NOMO2: variants seen among roughly 807,000 people sequenced by gnomAD.
NOMO2 encodes BOS complex subunit NOMO2.
In NOMO2, 14 loss-of-function variants were observed where a neutral mutation model predicts 67.1. That is an observed-to-expected ratio of 0.21 (90% confidence interval 0.14 to 0.33). The LOEUF is 0.33. Among genes scored for constraint, NOMO2 ranks in the 10% least tolerant of loss-of-function variants. The pLI is 1.00. For synonymous variants in NOMO2, 80 were observed against 305.9 expected (o/e 0.26, Z 7.71); for missense variants, 178 against 761.0 (o/e 0.23, Z 9.01).
At chr16:18,561,173 TAAAAAAAAAAAAA>T (rs756246897) in intron 1 of NOMO2, among the ~76,000 whole-genome samples, 524 of 32,412 alleles carry the variant, frequency 0.016, 5 homozygotes, top group African/African-American at 0.059. Context: ...ACAACTTAAT[TAAAAAAAAAAAAA>T]AAAAAAAAAA....
rs1405745216 is a variant in NOMO2, at chr16:18,530,825, G to C, written c.1669+212C>G. On this transcript the variant is annotated intron_variant, in intron 14 of 30. Coordinates refer to ENST00000622306, the MANE Select transcript of NOMO2 (RefSeq NM_173614.4). ...CACCCTCCCTTAACAGAAGCCGCCA[G>C]TGGGCTGTGCAGACAAGGTGGCGGT... is the stretch of plus-strand genomic sequence containing the variant. Among the ~76,000 whole-genome samples, 11 of 91,038 alleles carry C rather than the reference G, an allele frequency of 1.2e-4. No individual in the cohort carries two copies. The South Asian group carries it at 4.4e-3, about 36-fold the overall frequency. 59.7% of individuals were successfully genotyped at this position (91,038 alleles called of 152,430 possible).
intron 1 of NOMO2, 92 bp from the exon 2 acceptor site, chr16:18,557,883 T>G: frequency 1.3e-6 from 2 of 1,593,636 alleles, no homozygotes; most frequent in South Asian, 2.3e-5. Context: ...TCAGTATACA[T>G]TCACTGAGGA....
At position 18,557,772 on chromosome 16, in the gene NOMO2, T is replaced by C. The variant is rs766922780; in HGVS notation, c.185A>G (p.His62Arg). The C allele has an allele frequency of 1.2e-6, 2 of 1,608,184 alleles. No homozygotes were observed. The highest frequency in any genetic ancestry group is 1.7e-5 in the Admixed American group (1 of 59,874). ...GTCTGTCTGGTATTTCAAAGTCCCA[T>C]GCTTGGTGTACAGCTTTATCTGGAA... ...SLIEIKLYTK[H>R]GTLKYQTDCA... Residue 62 changes from histidine (H) to arginine (R), a missense_variant, in exon 2 of 31, where the codon CAT becomes CGT. Physicochemically the swap from His to Arg is conservative, Grantham distance 29. Transcript: ENST00000622306.
At chr16:18,540,491 T>G (rs1445895518) in intron 9 of NOMO2, among the ~76,000 whole-genome samples, 1 of 150,232 alleles carries the variant, frequency 6.7e-6, no homozygotes, top group African/African-American at 2.4e-5. Context: ...GGCTGTAATC[T>G]GGGAATAGCT....
chr16:18,531,828 T>C (rs956640612), intron 12 of NOMO2, among the ~76,000 whole-genome samples: 3 of 152,074 alleles, frequency 2.0e-5, no homozygotes, highest in African/African-American at 7.2e-5. Context: ...CAGACCGATG[T>C]GTATGAACAA....
chr16:18,552,874 A>G (rs1901820526), intron 3 of NOMO2, among the ~76,000 whole-genome samples: 1 of 152,096 alleles, frequency 6.6e-6, no homozygotes, highest in South Asian at 2.1e-4. Flanking sequence ...CAAAATATAC[A>G]TACAAGAATG....
At chr16:18,558,924 C>A (rs1390824560) in intron 1 of NOMO2, 1 of 451,448 alleles carries the variant, frequency 2.2e-6, no homozygotes, top group Non-Finnish European at 4.5e-6. Context: ...GTAATCCCAG[C>A]ACTTTGGGAG....
At chr16:18,543,548 A>G in intron 7 of NOMO2, 69 bp downstream of exon 7, 6 of 1,608,524 alleles carry the variant, frequency 3.7e-6, no homozygotes, top group Non-Finnish European at 5.1e-6. Flanking sequence ...TTAAAACAGT[A>G]TGTTCTGGTC....
At chr16:18,526,882 T>TTTAG (rs1901158101) in intron 16 of NOMO2, among the ~76,000 whole-genome samples, 1 of 151,994 alleles carries the variant, frequency 6.6e-6, no homozygotes, top group Non-Finnish European at 1.5e-5. Flanking sequence ...ATAGGTGAGT[T>TTTAG]TTACGATATG....
At chr16:18,548,673 A>C (rs1429360803) in intron 5 of NOMO2, among the ~76,000 whole-genome samples, 8 of 152,150 alleles carry the variant, frequency 5.3e-5, no homozygotes, top group African/African-American at 1.7e-4. Context: ...TCTAATCATA[A>C]CTGAGCTAAC....
intron 11 of NOMO2, among the ~76,000 whole-genome samples, chr16:18,536,137 A>T (rs1457395560): frequency 6.6e-6 from 1 of 152,080 alleles, no homozygotes; most frequent in Non-Finnish European, 1.5e-5. Context: ...TGCATTAGGG[A>T]GCAAAGCCCA....
rs756246897 is a variant in NOMO2 at position 18,561,173 on chromosome 16, T to TAAAAAAAAAAAAAA, written c.165+689_165+702dup. 4.9e-4 allele frequency among the ~76,000 whole-genome samples: 16 copies of TAAAAAAAAAAAAAA among 32,440 alleles called. 2 individuals are homozygous for TAAAAAAAAAAAAAA. Among genetic ancestry groups the TAAAAAAAAAAAAAA allele is most frequent in the Admixed American group, 1.1e-3 (2 of 1,866 alleles). 21.3% of individuals were successfully genotyped at this position (32,440 alleles called of 152,430 possible). On this transcript the variant is annotated intron_variant, in intron 1 of 30. Coordinates refer to ENST00000622306, the MANE Select transcript of NOMO2 (RefSeq NM_173614.4). ...ATTTAACAGGACTTTACAACTTAATTAAAAAAAAAAAAAAAAAAAAAAAAA... is the reference window on the plus strand; with the variant it reads ...ATTTAACAGGACTTTACAACTTAATTAAAAAAAAAAAAAAAAAAAAAAAAAAAAAAAAAAAAAAA...
At chr16:18,529,314 A>C (rs1901236821) in intron 15 of NOMO2, 187 bp downstream of exon 15, 1 of 680,936 alleles carries the variant, frequency 1.5e-6, no homozygotes, top group Non-Finnish European at 2.6e-6. Flanking sequence ...TCCTAAATAC[A>C]GGGGTCCTTC....
intron 1 of NOMO2, among the ~76,000 whole-genome samples, chr16:18,559,205 T>G (rs564093909): frequency 6.6e-6 from 1 of 152,100 alleles, no homozygotes; most frequent in Non-Finnish European, 1.5e-5. Context: ...AAAAGCAGTT[T>G]GTATTACTGT....
At position 18,543,687 on chromosome 16, in the gene NOMO2, G is replaced by C. The variant is rs1316932258; in HGVS notation, c.665C>G (p.Ser222Cys). The C allele has an allele frequency of 3.1e-6, 5 of 1,611,148 alleles. No individual in the cohort carries two copies. Among genetic ancestry groups the C allele is most frequent in the Non-Finnish European group, 4.2e-6 (5 of 1,179,526 alleles). Residue 222 changes from serine (S) to cysteine (C), a missense_variant, in exon 7 of 31, where the codon TCT becomes TGT. Ser to Cys is a moderately radical substitution (Grantham distance 112). Coordinates refer to ENST00000622306, the MANE Select transcript of NOMO2 (RefSeq NM_173614.4). ...LIVAGYNVSGSVRSDGEPMKG... is the reference protein window; with the variant it reads ...LIVAGYNVSGCVRSDGEPMKG... ...CATGGGCTCCCCATCACTTCGGACAGAGCCAGACACATTGTAGCCAGCAAC... is the reference window on the plus strand; with the variant it reads ...CATGGGCTCCCCATCACTTCGGACACAGCCAGACACATTGTAGCCAGCAAC...
At chr16:18,558,440 A>AT (rs1195502100) in intron 1 of NOMO2, among the ~76,000 whole-genome samples, 1 of 137,968 alleles carries the variant, frequency 7.2e-6, no homozygotes, top group Non-Finnish European at 1.6e-5. Context: ...AAAAATAATA[A>AT]TAAAAAAAAA....
intron 1 of NOMO2, among the ~76,000 whole-genome samples, chr16:18,560,637 G>A (rs936103812): frequency 6.6e-6 from 1 of 151,776 alleles, no homozygotes; most frequent in Admixed American, 6.6e-5. Flanking sequence ...AGCAAACAAC[G>A]GGGCCTTGAA....
Position 18,533,051 on chromosome 16 carries a change from T to C in NOMO2, c.1349A>G (p.His450Arg). The C allele has an allele frequency of 6.2e-7, 1 of 1,608,306 alleles. No homozygotes were observed. The change falls in exon 12 of 31, where the codon CAT (histidine) becomes CGT (arginine). Residue 450 changes from histidine to arginine, a missense_variant. By Grantham distance (29) the His-to-Arg change is conservative. Coordinates refer to ENST00000622306, the MANE Select transcript of NOMO2 (RefSeq NM_173614.4). ...KSLVTVETDA[H>R]GSFCFKAKPG... is the part of the protein sequence containing the mutation. ...TTTTGCTTTAAAACAAAATGATCCA[T>C]GAGCATCTGTCTCCACGGTGACCAA... is the stretch of plus-strand genomic sequence containing the variant.
chr16:18,550,980 A>G (rs929514656), intron 4 of NOMO2, among the ~76,000 whole-genome samples: 4 of 151,580 alleles, frequency 2.6e-5, no homozygotes, highest in South Asian at 2.1e-4. Context: ...CAACACAGCA[A>G]AAGCCCATCT....
Sources: gnomAD v4.1 joint callset for allele counts (sites outside exome capture counted in the v4.1 genomes callset) on GRCh38, gnomAD v4.1.1 for gene constraint, MANE v1.5 for transcripts, NCBI Gene and HGNC (gene_info 2026-07-23, HGNC 2026-07-21) for gene names.